SUMF2: variants seen among roughly 807,000 people sequenced by gnomAD.
SUMF2 encodes sulfatase modifying factor 2, also known as inactive C-alpha-formylglycine-generating enzyme 2.
A neutral mutation model predicts 44.8 loss-of-function variants in SUMF2; 45 were observed. The ratio of observed to expected loss-of-function variants is 1.00; its 90% CI spans 0.79 to 1.29. The LOEUF is 1.29. SUMF2 is among the 50% of genes most tolerant of loss of function. The pLI is 0.00. For synonymous variants in SUMF2, 148 were observed against 150.4 expected (o/e 0.98, Z 0.12); for missense variants, 418 against 389.9 (o/e 1.07, Z -0.61).
chr7:56,064,538 A>T (rs1444199185), intron 1 of SUMF2, among the ~76,000 whole-genome samples, 160 bp downstream of exon 1: 1 of 152,098 alleles, frequency 6.6e-6, no homozygotes, highest in Non-Finnish European at 1.5e-5. Context: ...TCACCGCCTT[A>T]TACTTTTCAA....
the SUMF2 span, chr7:56,087,822 T>TG: frequency 8.9e-5 from 136 of 1,520,052 alleles, no homozygotes; most frequent in Admixed American, 2.7e-4. Context: ...CCTCACCCCA[T>TG]GGGGGGTCCC....
chr7:56,072,470 A>T (rs979700082), intron 2 of SUMF2, among the ~76,000 whole-genome samples: 1 of 150,902 alleles, frequency 6.6e-6, no homozygotes, highest in Admixed American at 6.6e-5. Flanking sequence ...CACGCCTGTA[A>T]TCTCAGCCCT....
downstream of SUMF2, among the ~76,000 whole-genome samples, chr7:56,085,038 G>T (rs968101854): frequency 6.6e-6 from 1 of 152,014 alleles, no homozygotes; most frequent in Non-Finnish European, 1.5e-5. Context: ...TCAGCTAACT[G>T]CAACCTCTGC....
intron 6 of SUMF2, 96 bp from the exon 7 acceptor site, chr7:56,078,006 T>C: frequency 1.9e-6 from 2 of 1,044,264 alleles, no homozygotes; most frequent in East Asian, 2.5e-5. Context: ...CTTCCCCAGA[T>C]GCAACAGCAA....
chr7:56,076,786 T>C, intron 5 of SUMF2, 48 bp from the exon 6 acceptor site: 2 of 1,529,630 alleles, frequency 1.3e-6, no homozygotes. Context: ...TTTCCTTCCC[T>C]AATTCTTCAC....
chr7:56,079,606 G>C lies in SUMF2; in HGVS notation c.900G>C (p.Glu300Asp). Reference sequence around the variant, plus strand: ...CAGACGCAGGCCGGCCGCCAGGGGAGCTGTAAGCAGCCGGGTGGTGACAAG... The same window carrying C: ...CAGACGCAGGCCGGCCGCCAGGGGACCTGTAAGCAGCCGGGTGGTGACAAG... ...CAADAGRPPG[E>D]L Residue 300 changes from glutamate to aspartate, a missense_variant, in exon 9 of 9, where the codon GAG (glutamate) becomes GAC (aspartate). Physicochemically the swap from Glu to Asp is conservative, Grantham distance 45 (BLOSUM62 2). Coordinates refer to ENST00000434526, the MANE Select transcript of SUMF2 (RefSeq NM_015411.4). The C allele has an allele frequency of 1.9e-6, 3 of 1,614,250 alleles. No homozygotes were observed. The highest frequency in any genetic ancestry group is 2.5e-6 in the Non-Finnish European group (3 of 1,180,050).
downstream of SUMF2, chr7:56,082,187 G>A (rs1245157298): frequency 2.5e-6 from 4 of 1,613,888 alleles, no homozygotes; most frequent in Admixed American, 1.7e-5. Context: ...CCCGTAGCCC[G>A]GGTGGTCCTC....
At chr7:56,079,324 A>G (rs1795817238) in intron 8 of SUMF2, 1 of 592,546 alleles carries the variant, frequency 1.7e-6, no homozygotes, top group East Asian at 2.8e-5. Context: ...CTTTTGTCCC[A>G]AAGCCCCTTC....
At chr7:56,071,133 G>A (rs1253366328) in intron 2 of SUMF2, among the ~76,000 whole-genome samples, 2 of 152,142 alleles carry the variant, frequency 1.3e-5, no homozygotes, top group Admixed American at 6.5e-5. Context: ...TTGGGAGTCC[G>A]AGGTGTGTGG....
intron 1 of SUMF2, among the ~76,000 whole-genome samples, chr7:56,067,580 C>T (rs1794884923): frequency 6.6e-6 from 1 of 151,998 alleles, no homozygotes; most frequent in African/African-American, 2.4e-5. Flanking sequence ...CCATAGATAT[C>T]CCCATTTTTC....
downstream of SUMF2, among the ~76,000 whole-genome samples, chr7:56,082,600 A>C (rs991118153): frequency 5.9e-5 from 9 of 151,818 alleles, no homozygotes; most frequent in African/African-American, 1.9e-4. Flanking sequence ...TCAAAAAAAA[A>C]AGAGAGGAAG....
At chr7:56,083,383 G>T (rs757254297), downstream of SUMF2, 7 of 1,614,028 alleles carry the variant, frequency 4.3e-6, no homozygotes, top group South Asian at 5.5e-5. Context: ...AGGTCCCGGT[G>T]CACGATGTTG....
chr7:56,086,808 C>T, the SUMF2 span: 20 of 623,592 alleles, frequency 3.2e-5, no homozygotes, highest in Non-Finnish European at 5.0e-5. Context: ...TTTCCAAAGC[C>T]GGCAGCCTGA....
At chr7:56,078,965 C>T (rs1425186182) in intron 8 of SUMF2, 1 of 610,802 alleles carries the variant, frequency 1.6e-6, no homozygotes, top group African/African-American at 1.8e-5. Context: ...GGCACAGTCT[C>T]AGCTCACTAC....
rs532220094 is a variant in SUMF2 at position 56,074,834 on chromosome 7, A to G, written c.535+98A>G. On this transcript the variant is annotated intron_variant, in intron 5 of 8. Coordinates refer to ENST00000434526, the MANE Select transcript of SUMF2 (RefSeq NM_015411.4). ...GGAAAGGGGCTGGGCGCAGTGGCTT[A>G]TGCCTGTAATCCCAACACTTTGGGA... The G allele has an allele frequency of 1.7e-4, 248 of 1,472,660 alleles. No homozygotes were observed. In the African/African-American group the frequency reaches 3.1e-3, roughly 18 times the overall value. 91.2% of individuals were successfully genotyped at this position (1,472,660 alleles called of 1,614,324 possible). A position where few individuals can be genotyped will look rare whatever the true frequency, so the allele number is the denominator to read the frequency against.
intron 1 of SUMF2, among the ~76,000 whole-genome samples, chr7:56,068,204 T>A (rs1189349642): frequency 1.3e-5 from 2 of 151,646 alleles, no homozygotes; most frequent in Non-Finnish European, 2.9e-5. Flanking sequence ...CGGCTAATTT[T>A]TTTTTTTGTA....
intron 8 of SUMF2, chr7:56,079,132 C>T: frequency 2.1e-6 from 1 of 478,880 alleles, no homozygotes; most frequent in East Asian, 3.1e-5. Context: ...CCTTGGCCTC[C>T]CAGAATGCTA....
chr7:56,068,851 C>T (rs542074255), intron 2 of SUMF2, among the ~76,000 whole-genome samples: 17 of 151,874 alleles, frequency 1.1e-4, no homozygotes, highest in African/African-American at 4.1e-4. Context: ...TACAGGTGTT[C>T]ACCACCACGC....
intron 3 of SUMF2, 108 bp from the exon 4 acceptor site, chr7:56,074,065 AC>A (rs1795366157): frequency 1.2e-6 from 1 of 825,490 alleles, no homozygotes; most frequent in African/African-American, 1.7e-5. Context: ...CCTCACTTAG[AC>A]CACCTGAGTC....
Sources: gnomAD v4.1 joint callset for allele counts (sites outside exome capture counted in the v4.1 genomes callset) on GRCh38, gnomAD v4.1.1 for gene constraint, MANE v1.5 for transcripts, NCBI Gene and HGNC (gene_info 2026-07-23, HGNC 2026-07-21) for gene names.